The following DIP2B variants were observed in gnomAD, a reference collection of about 807,000 sequenced individuals.
DIP2B encodes the protein DIP2 acetate--CoA ligase B (putative), also known as disco-interacting protein 2 homolog B.
Under a neutral mutation model 198.0 loss-of-function variants are expected in DIP2B, and 76 were observed. The observed-to-expected ratio is 0.38, with a 90% CI of 0.32 to 0.46. The LOEUF (loss-of-function observed/expected upper bound fraction) is 0.46. Ranked by LOEUF, DIP2B falls within the 20% of genes least tolerant of loss-of-function variation. The pLI, the probability that DIP2B is intolerant of heterozygous loss-of-function variation, is 0.99. For missense variants in DIP2B, 1,559 were observed against 1,978.4 expected (o/e 0.79, Z 4.02); for synonymous variants, 701 against 739.1 (o/e 0.95, Z 0.84).
At chr12:50,592,842 G>C (rs1454322637) in intron 1 of DIP2B, among the ~76,000 whole-genome samples, 1 of 152,130 alleles carries the variant, frequency 6.6e-6, no homozygotes, top group Non-Finnish European at 1.5e-5. Context: ...TCGTGCACCT[G>C]AAAGCCTCTA....
chr12:50,687,676 T>G (rs1245506255), intron 12 of DIP2B, among the ~76,000 whole-genome samples: 2 of 150,898 alleles, frequency 1.3e-5, no homozygotes, highest in African/African-American at 4.9e-5. Flanking sequence ...TAAATGGGAG[T>G]TGAACAATAG....
chr12:50,736,374 C>A (rs1336433041), intron 34 of DIP2B, among the ~76,000 whole-genome samples: 2 of 152,184 alleles, frequency 1.3e-5, no homozygotes, highest in African/African-American at 4.8e-5. Context: ...GAGGGCTTCT[C>A]AAGTAACCTC....
rs529128646 is a variant in DIP2B, at chr12:50,589,296, T to G, written c.101-36680T>G. Among the ~76,000 whole-genome samples the G allele has an allele frequency of 4.6e-5, 7 of 150,734 alleles. No individual in the cohort carries two copies. The South Asian group carries it at 1.3e-3, about 27-fold the overall frequency. On this transcript the variant is annotated intron_variant, in intron 1 of 37. Transcript: ENST00000301180. ...TTTGCCCAGGCTGGAGTGCAGTGGC[T>G]TGATTCTCCTGCCTCAGCCTCTCAA... is the stretch of plus-strand genomic sequence containing the variant.
chr12:50,624,442 C>T (rs969555699), intron 1 of DIP2B, among the ~76,000 whole-genome samples: 8 of 152,166 alleles, frequency 5.3e-5, no homozygotes, highest in African/African-American at 1.9e-4. Context: ...AAGCAATTCT[C>T]CTGCCTCAGT....
rs561853448 is a variant in DIP2B, at chr12:50,642,330, G to A, written c.301+1478G>A. Among the ~76,000 whole-genome samples, 4 of 152,316 alleles carry A rather than the reference G, an allele frequency of 2.6e-5. No homozygotes were observed. The East Asian group carries it at 7.7e-4, about 29-fold the overall frequency. On this transcript the variant is annotated intron_variant, in intron 3 of 37. Coordinates refer to ENST00000301180, the MANE Select transcript of DIP2B (RefSeq NM_173602.3). ...GAAAGATTACCAGAGACCAGATCTTGTGGGATCTTGAATGTCACTGAAGGA... is the reference window on the plus strand; with the variant it reads ...GAAAGATTACCAGAGACCAGATCTTATGGGATCTTGAATGTCACTGAAGGA...
rs571174841 is a variant in DIP2B at position 50,515,214 on chromosome 12, C to G, written c.100+9974C>G. 4.0e-5 allele frequency among the ~76,000 whole-genome samples: 6 copies of G among 151,886 alleles called. No homozygotes were observed. In the East Asian group the frequency reaches 9.7e-4, roughly 25 times the overall value. ...AGAACCTGCTGGATATGGCATCTCT[C>G]TCTGCAGCATTGTACACTGTGGACC... On this transcript the variant is annotated intron_variant, in intron 1 of 37. Transcript: ENST00000301180.
Position 50,640,738 on chromosome 12 carries a change from G to T in DIP2B, c.187G>T (p.Val63Leu). 6.2e-7 allele frequency: 1 copy of T among 1,613,624 alleles called. No individual in the cohort carries two copies. The highest frequency in any genetic ancestry group is 1.1e-5 in the South Asian group (1 of 91,054). The change falls in exon 3 of 38, where the codon GTA becomes TTA. Residue 63 changes from valine (V) to leucine (L), a missense_variant. By Grantham distance (32) the Val-to-Leu change is conservative. Transcript: ENST00000301180. ...SPQTQETDSA[V>L]QKELRNQTPA... ...TCCTTTTTTAGAAACTGATTCAGCA[G>T]TACAGAAAGAACTTAGAAACCAGAC...
chr12:50,701,950 T>C (rs1565876084), intron 19 of DIP2B, among the ~76,000 whole-genome samples: 1 of 152,092 alleles, frequency 6.6e-6, no homozygotes, highest in Non-Finnish European at 1.5e-5. Flanking sequence ...TTATTTTATA[T>C]AAAAAATAAA....
At chr12:50,705,631 G>A (rs1939500746) in intron 20 of DIP2B, among the ~76,000 whole-genome samples, 1 of 152,244 alleles carries the variant, frequency 6.6e-6, no homozygotes, top group South Asian at 2.1e-4. Context: ...TACTGTGAAC[G>A]AAATGGAGAA....
chr12:50,540,230 C>T (rs1432574438), intron 1 of DIP2B, among the ~76,000 whole-genome samples: 1 of 150,324 alleles, frequency 6.7e-6, no homozygotes, highest in Non-Finnish European at 1.5e-5. Context: ...GCCTCAGCCT[C>T]CCGAGTAGCT....
chr12:50,654,899 A>G (rs1449549008), intron 3 of DIP2B: 2 of 307,204 alleles, frequency 6.5e-6, no homozygotes, highest in African/African-American at 4.3e-5. Flanking sequence ...GCGGTGGGGA[A>G]GTAGGTATAC....
intron 1 of DIP2B, among the ~76,000 whole-genome samples, chr12:50,548,576 A>C (rs567952009): frequency 6.6e-6 from 1 of 152,068 alleles, no homozygotes; most frequent in Admixed American, 6.5e-5. Context: ...CCCAGGCTGG[A>C]GTGCAATGGC....
At chr12:50,733,217 T>C (rs2139599786) in intron 32 of DIP2B, among the ~76,000 whole-genome samples, 1 of 151,154 alleles carries the variant, frequency 6.6e-6, no homozygotes, top group African/African-American at 2.4e-5. Context: ...GACCTTCTGT[T>C]TTTCTGTCTC....
intron 1 of DIP2B, among the ~76,000 whole-genome samples, chr12:50,549,167 G>C (rs1040800509): frequency 1.0e-4 from 15 of 147,676 alleles, no homozygotes; most frequent in African/African-American, 3.5e-4. Flanking sequence ...GTGGGGGCTG[G>C]TTTAAAAAAA....
At chr12:50,689,129 GGCT>G (rs1280896025) in intron 12 of DIP2B, among the ~76,000 whole-genome samples, 4 of 152,186 alleles carry the variant, frequency 2.6e-5, no homozygotes, top group African/African-American at 9.7e-5. Flanking sequence ...TGGGCGCAGT[GGCT>G]CACCCCTATT....
intron 19 of DIP2B, among the ~76,000 whole-genome samples, chr12:50,701,446 A>G (rs1302509752): frequency 6.6e-6 from 1 of 152,198 alleles, no homozygotes; most frequent in Non-Finnish European, 1.5e-5. Flanking sequence ...CAGTGGTGCA[A>G]TCTCGGCTCA....
chr12:50,562,038 T>C (rs1299272569), intron 1 of DIP2B, among the ~76,000 whole-genome samples: 1 of 152,224 alleles, frequency 6.6e-6, no homozygotes, highest in Non-Finnish European at 1.5e-5. Context: ...TGGCTGTTGA[T>C]TGAATTTAAA....
intron 25 of DIP2B, among the ~76,000 whole-genome samples, chr12:50,719,535 G>A (rs1939794097): frequency 6.6e-6 from 1 of 152,138 alleles, no homozygotes; most frequent in Non-Finnish European, 1.5e-5. Context: ...TCTGATGGAT[G>A]GTTCGTTATA....
chr12:50,604,048 A>G (rs916689829), intron 1 of DIP2B, among the ~76,000 whole-genome samples: 1 of 152,052 alleles, frequency 6.6e-6, no homozygotes, highest in South Asian at 2.1e-4. Context: ...GTTTTGCATC[A>G]TGCAAGCTTC....
Sources: gnomAD v4.1 joint callset for allele counts (sites outside exome capture counted in the v4.1 genomes callset) on GRCh38, gnomAD v4.1.1 for gene constraint, MANE v1.5 for transcripts, NCBI Gene and HGNC (gene_info 2026-07-23, HGNC 2026-07-21) for gene names.